ERBB4: variants seen among roughly 807,000 people sequenced by gnomAD.
ERBB4 encodes erb-b2 receptor tyrosine kinase 4.
In ERBB4, 42 loss-of-function variants were observed where a neutral mutation model predicts 158.0. The observed-to-expected ratio is 0.27, with a 90% CI of 0.21 to 0.34. ERBB4 has a LOEUF of 0.34. Among genes scored for constraint, ERBB4 ranks in the 10% least tolerant of loss-of-function variants. ERBB4 has a pLI of 1.00. For missense variants in ERBB4, 1,333 were observed against 1,624.1 expected, an observed-to-expected ratio of 0.82 and a Z score of 3.08; for synonymous variants, 583 against 558.7, an observed-to-expected ratio of 1.04 and a Z score of -0.61.
chr2:211,465,388 A>G lies in ERBB4; in HGVS notation c.2488-34288T>C, dbSNP rs2064654684. Among the ~76,000 whole-genome samples the G allele has an allele frequency of 2.6e-5, 4 of 152,196 alleles. No homozygotes were observed. In the South Asian group the frequency reaches 8.3e-4, roughly 31 times the overall value. On this transcript the variant is annotated intron_variant, in intron 20 of 27. Coordinates refer to ENST00000342788, the MANE Select transcript of ERBB4 (RefSeq NM_005235.3). ...ACTGTTTTAAGACCTAAGTTTTGGG[A>G]TGAATTTTAATGCGGCAACAGAAAA...
chr2:212,123,318 G>A (rs1364810578), intron 2 of ERBB4, among the ~76,000 whole-genome samples: 1 of 152,178 alleles, frequency 6.6e-6, no homozygotes, highest in East Asian at 1.9e-4. Flanking sequence ...CAGGAGAATT[G>A]CTTGAACTCG....
At chr2:212,165,957 C>T (rs2125659014) in intron 1 of ERBB4, among the ~76,000 whole-genome samples, 1 of 152,024 alleles carries the variant, frequency 6.6e-6, no homozygotes, top group Non-Finnish European at 1.5e-5. Flanking sequence ...AAAATAGTAA[C>T]TATGTTACAA....
chr2:211,837,471 T>G (rs1453738807), intron 3 of ERBB4, among the ~76,000 whole-genome samples: 1 of 152,028 alleles, frequency 6.6e-6, no homozygotes, highest in East Asian at 1.9e-4. Flanking sequence ...AAGGAAAAAT[T>G]TATAGGCAAG....
intron 2 of ERBB4, among the ~76,000 whole-genome samples, chr2:212,063,111 T>G (rs574453769): frequency 4.6e-5 from 7 of 152,172 alleles, no homozygotes; most frequent in African/African-American, 1.7e-4. Context: ...CTGCCATTTT[T>G]AAAAAATTTA....
intron 3 of ERBB4, among the ~76,000 whole-genome samples, chr2:211,928,996 T>A (rs2080095532): frequency 6.6e-6 from 1 of 152,096 alleles, no homozygotes; most frequent in African/African-American, 2.4e-5. Context: ...AATATATATG[T>A]CTCCTAATAG....
intron 1 of ERBB4, 93 bp downstream of exon 1, chr2:212,538,356 C>T: frequency 8.7e-7 from 1 of 1,151,248 alleles, no homozygotes; most frequent in Non-Finnish European, 1.3e-6. Flanking sequence ...CCCTCCACGC[C>T]TCCCGGGATG....
chr2:212,199,033 C>T (rs74368278), intron 1 of ERBB4, among the ~76,000 whole-genome samples: 1 of 152,160 alleles, frequency 6.6e-6, no homozygotes, highest in African/African-American at 2.4e-5. Context: ...AGTGGAATTA[C>T]GGTAATTTTA....
chr2:212,312,604 A>C (rs2087099400), intron 1 of ERBB4, among the ~76,000 whole-genome samples: 1 of 151,012 alleles, frequency 6.6e-6, no homozygotes, highest in Non-Finnish European at 1.5e-5. Flanking sequence ...GCATGCAAGC[A>C]ATATATATAG....
At chr2:212,502,899 T>A (rs1001503592) in intron 1 of ERBB4, among the ~76,000 whole-genome samples, 3 of 151,964 alleles carry the variant, frequency 2.0e-5, no homozygotes, top group Admixed American at 1.3e-4. Context: ...GCCTCCTGAG[T>A]AGCTGGGACT....
intron 1 of ERBB4, among the ~76,000 whole-genome samples, chr2:212,312,296 CTT>C (rs1211644689): frequency 1.3e-5 from 2 of 150,958 alleles, no homozygotes; most frequent in Admixed American, 6.6e-5. Context: ...TGAGACTACT[CTT>C]GTTTGCTGCC....
chr2:212,056,694 G>A (rs1308297215), intron 2 of ERBB4, among the ~76,000 whole-genome samples: 2 of 152,102 alleles, frequency 1.3e-5, no homozygotes. Context: ...CCTAAGTGAA[G>A]GAGAAATAAA....
intron 2 of ERBB4, among the ~76,000 whole-genome samples, chr2:212,047,898 C>T (rs547341124): frequency 5.9e-4 from 90 of 151,926 alleles, no homozygotes; most frequent in South Asian, 1.2e-3. Context: ...AGTAAGCAAA[C>T]GTAAATAAAT....
At chr2:211,738,361 GTTTTT>G (rs10535592) in intron 5 of ERBB4, among the ~76,000 whole-genome samples, 10 of 135,438 alleles carry the variant, frequency 7.4e-5, no homozygotes, top group Admixed American at 5.6e-4. Context: ...CTTTGTTTTT[GTTTTT>G]TTTTTTTTTT....
intron 2 of ERBB4, 140 bp downstream of exon 2, chr2:212,124,612 A>G: frequency 1.1e-6 from 1 of 899,442 alleles, no homozygotes; most frequent in Non-Finnish European, 1.8e-6. Context: ...GCGTTTCGCT[A>G]TCTCTTATCT....
At chr2:211,941,734 T>TTTTC (rs1553517427) in intron 3 of ERBB4, among the ~76,000 whole-genome samples, 5 of 150,864 alleles carry the variant, frequency 3.3e-5, no homozygotes, top group African/African-American at 1.2e-4. Flanking sequence ...TTTTTTTTTT[T>TTTTC]GTCTAAACAG....
At chr2:212,004,399 G>A (rs1318839445) in intron 2 of ERBB4, among the ~76,000 whole-genome samples, 1 of 152,102 alleles carries the variant, frequency 6.6e-6, no homozygotes, top group African/African-American at 2.4e-5. Flanking sequence ...ACATATGTTA[G>A]CCTGAACCAC....
rs114012479 is a variant in ERBB4 at position 212,318,423 on chromosome 2, G to C, written c.83-193520C>G. Among the ~76,000 whole-genome samples the C allele has an allele frequency of 5.7e-3, 863 of 151,436 alleles. 6 individuals carry two copies. Among genetic ancestry groups the C allele is most frequent in the African/African-American group, 0.02 (828 of 41,364 alleles). ...TCCCAGTCTATTGTTTTATGTCTTT[G>C]ATTTCTTTCCTCCTCAAAGGGATTG... On this transcript the variant is annotated intron_variant, in intron 1 of 27. Coordinates refer to ENST00000342788, the MANE Select transcript of ERBB4 (RefSeq NM_005235.3).
intron 4 of ERBB4, 63 bp from the exon 5 acceptor site, chr2:211,750,767 G>GTGAAAGA: frequency 7.3e-7 from 1 of 1,371,504 alleles, no homozygotes; most frequent in Non-Finnish European, 1.0e-6. Flanking sequence ...TTGACTAGGA[G>GTGAAAGA]TAACTCCTCA....
chr2:212,422,243 T>C (rs1418213374), intron 1 of ERBB4, among the ~76,000 whole-genome samples: 2 of 152,148 alleles, frequency 1.3e-5, no homozygotes, highest in Non-Finnish European at 2.9e-5. Flanking sequence ...CAGTGGTTCA[T>C]GCTTTAATCG....
Sources: gnomAD v4.1 joint callset for allele counts (sites outside exome capture counted in the v4.1 genomes callset) on GRCh38, gnomAD v4.1.1 for gene constraint, MANE v1.5 for transcripts, NCBI Gene and HGNC (gene_info 2026-07-23, HGNC 2026-07-21) for gene names.